Variants in FER observed in about 807,000 individuals in gnomAD.
FER encodes the protein FER tyrosine kinase.
A neutral mutation model predicts 111.0 loss-of-function variants in FER; 63 were observed. That is an observed-to-expected ratio of 0.57 (90% CI 0.46 to 0.70). FER has a LOEUF of 0.70. Among genes scored for constraint, FER ranks in the 30% least tolerant of loss-of-function variants. The pLI is 0.00. For synonymous variants in FER, 327 were observed against 313.9 expected, an observed-to-expected ratio of 1.04 and a Z score of -0.44; for missense variants, 914 against 954.0, an observed-to-expected ratio of 0.96 and a Z score of 0.55.
At chr5:108,921,924 G>C (rs1753072329) in intron 10 of FER, among the ~76,000 whole-genome samples, 1 of 152,176 alleles carries the variant, frequency 6.6e-6, no homozygotes, top group East Asian at 1.9e-4. Flanking sequence ...CTAAATACCT[G>C]TGTATGTGAC....
Position 108,872,213 on chromosome 5 carries a change from G to T in FER, c.923+1G>T. 1 of 1,600,090 alleles carries T rather than the reference G, an allele frequency of 6.2e-7. No homozygotes were observed. Among genetic ancestry groups the T allele is most frequent in the Non-Finnish European group, 8.5e-7 (1 of 1,174,716 alleles). ...TAACAGCAGAAAGTTTGCAAGTAAT[G>T]TAAGTATTCACAAAATATCAACAGT... On this transcript the variant is annotated splice_donor_variant, in intron 8 of 19. Transcript: ENST00000281092. LOFTEE classifies it high-confidence loss of function.
intron 3 of FER, among the ~76,000 whole-genome samples, chr5:108,816,194 G>A (rs937541440): frequency 6.6e-6 from 1 of 151,970 alleles, no homozygotes; most frequent in Non-Finnish European, 1.5e-5. Flanking sequence ...CGTTAATTTT[G>A]CATTTGTTTA....
intron 13 of FER, among the ~76,000 whole-genome samples, chr5:108,992,943 CG>C (rs1185822846): frequency 6.7e-6 from 1 of 150,052 alleles, no homozygotes; most frequent in Non-Finnish European, 1.5e-5. Context: ...CGACGATGGG[CG>C]GCCGGGCAGA....
At chr5:109,179,094 AT>A (rs1250136394) in intron 17 of FER, among the ~76,000 whole-genome samples, 1 of 152,182 alleles carries the variant, frequency 6.6e-6, no homozygotes, top group African/African-American at 2.4e-5. Flanking sequence ...AGCCTTGTAA[AT>A]CATTAATTCT....
At chr5:109,045,662 A>C (rs555055785) in intron 15 of FER, among the ~76,000 whole-genome samples, 1 of 152,266 alleles carries the variant, frequency 6.6e-6, no homozygotes, top group Admixed American at 6.5e-5. Flanking sequence ...TTAAACGTCA[A>C]CTCTTAATGA....
intron 17 of FER, among the ~76,000 whole-genome samples, chr5:109,163,574 C>T (rs1353933089): frequency 6.6e-6 from 1 of 151,978 alleles, no homozygotes; most frequent in East Asian, 1.9e-4. Flanking sequence ...GAGTTTTAGT[C>T]ATTCTGGTGG....
intron 6 of FER, among the ~76,000 whole-genome samples, chr5:108,868,383 C>T (rs1330722662): frequency 1.3e-5 from 2 of 151,650 alleles, no homozygotes; most frequent in South Asian, 2.1e-4. Context: ...TGAAGTTTTA[C>T]GTATGCAAAG....
chr5:108,773,251 A>C (rs1207332977), intron 2 of FER, among the ~76,000 whole-genome samples: 1 of 152,138 alleles, frequency 6.6e-6, no homozygotes, highest in African/African-American at 2.4e-5. Context: ...ATAGGTAAAC[A>C]TGTGCCATGG....
rs1196260782 is a variant in FER at position 108,917,299 on chromosome 5, T to C, written c.1236+19451T>C. Among the ~76,000 whole-genome samples, 4 of 152,182 alleles carry C rather than the reference T, an allele frequency of 2.6e-5. 1 individual carries two copies. In the East Asian group the frequency reaches 7.7e-4, roughly 29 times the overall value. On this transcript the variant is annotated intron_variant, in intron 10 of 19. Coordinates refer to ENST00000281092, the MANE Select transcript of FER (RefSeq NM_005246.4). ...TGAGGAATTAAATCATAATTGTTTC[T>C]ATTTTTAAGATAGGCCATGCTTTTA...
At chr5:108,771,225 T>C (rs988812219) in intron 2 of FER, among the ~76,000 whole-genome samples, 1 of 152,206 alleles carries the variant, frequency 6.6e-6, no homozygotes, top group Admixed American at 6.5e-5. Flanking sequence ...TGAGCCACCA[T>C]GCCCGGCCCC....
intron 10 of FER, among the ~76,000 whole-genome samples, chr5:108,927,345 C>G (rs1200999601): frequency 5.5e-5 from 8 of 145,172 alleles, no homozygotes; most frequent in African/African-American, 2.1e-4. Flanking sequence ...ACTGCAAGCT[C>G]CGCTTCCCGG....
chr5:108,954,802 T>A lies in FER; in HGVS notation c.1403T>A (p.Ile468Lys), dbSNP rs765761277. ...TGGTACCATGGTGCAATTCCCAGAA[T>A]AGAAGCTCAAGAACTGTTAAAAAAA... is the stretch of plus-strand genomic sequence containing the variant. ...QDWYHGAIPR[I>K]EAQELLKKQG... Residue 468 changes from isoleucine (I) to lysine (K), a missense_variant, in exon 12 of 20, where the codon ATA becomes AAA. Ile to Lys is a moderately radical substitution (Grantham distance 102). This residue lies in a region of FER where 774 missense variants were observed against 782.6 expected (regional missense o/e 0.99). Transcript: ENST00000281092. 3 of 1,612,508 alleles carry A rather than the reference T, an allele frequency of 1.9e-6. No individual in the cohort carries two copies. The highest frequency in any genetic ancestry group is 8.5e-7 in the Non-Finnish European group (1 of 1,179,122).
intron 2 of FER, among the ~76,000 whole-genome samples, chr5:108,786,842 T>G (rs1026238451): frequency 6.6e-6 from 1 of 152,138 alleles, no homozygotes; most frequent in Admixed American, 6.5e-5. Context: ...TTCACTATTG[T>G]CAGTAGGAGC....
At chr5:108,953,941 G>T (rs1274423827) in intron 11 of FER, among the ~76,000 whole-genome samples, 1 of 152,140 alleles carries the variant, frequency 6.6e-6, no homozygotes, top group East Asian at 1.9e-4. Context: ...GAAAATGTGT[G>T]ATTTAATCTA....
intron 1 of FER, among the ~76,000 whole-genome samples, chr5:108,756,608 TTAA>T (rs1304361302): frequency 6.6e-5 from 10 of 152,220 alleles, no homozygotes; most frequent in African/African-American, 2.4e-4. Context: ...TAATATGTAA[TTAA>T]TTATAGGTCA....
chr5:109,081,427 G>C (rs1355327039), intron 16 of FER, among the ~76,000 whole-genome samples: 1 of 151,980 alleles, frequency 6.6e-6, no homozygotes, highest in African/African-American at 2.4e-5. Flanking sequence ...ATTACGATCT[G>C]AATTAGGAGA....
intron 3 of FER, among the ~76,000 whole-genome samples, chr5:108,831,112 C>T (rs1488107379): frequency 6.6e-6 from 1 of 152,110 alleles, no homozygotes; most frequent in Non-Finnish European, 1.5e-5. Context: ...GGCAATCTGA[C>T]CCAATTGTGT....
At chr5:108,938,026 T>TCACA (rs201092702) in intron 10 of FER, among the ~76,000 whole-genome samples, 145 of 130,858 alleles carry the variant, frequency 1.1e-3, no homozygotes, top group Middle Eastern at 3.8e-3. Context: ...TATCTCTCTC[T>TCACA]CACACACACA....
chr5:108,992,998 G>C (rs545731326), intron 13 of FER, among the ~76,000 whole-genome samples: 1 of 149,344 alleles, frequency 6.7e-6, no homozygotes, highest in Admixed American at 6.7e-5. Context: ...GGGAAGAGGC[G>C]CTCCTCACTT....
Sources: allele counts gnomAD v4.1 joint callset (sites outside exome capture counted in the v4.1 genomes callset), GRCh38; gene constraint gnomAD v4.1.1; regional missense constraint gnomAD v4.1.1; transcripts MANE v1.5; gene names NCBI Gene and HGNC (gene_info 2026-07-23, HGNC 2026-07-21).